PLCL1: variants seen among roughly 807,000 people sequenced by gnomAD.
The protein encoded by PLCL1 is inactive phospholipase C-like protein 1.
In PLCL1, 41 loss-of-function variants were observed where a neutral mutation model predicts 84.4. The ratio of observed to expected loss-of-function variants is 0.49; its 90% CI spans 0.38 to 0.63. The LOEUF is 0.63. PLCL1 is among the 30% of genes least tolerant of loss of function. PLCL1 has a pLI of 0.00. For missense variants in PLCL1, 1,206 were observed against 1,367.8 expected (o/e 0.88, Z 1.87); for synonymous variants, 490 against 488.3 (o/e 1.00, Z -0.05).
chr2:197,920,777 TG>T (rs1054744465), intron 1 of PLCL1, among the ~76,000 whole-genome samples: 7 of 152,338 alleles, frequency 4.6e-5, no homozygotes, highest in African/African-American at 1.7e-4. Flanking sequence ...TTTCCAAAAG[TG>T]GGCAAATATC....
chr2:198,147,137 C>A lies in PLCL1; in HGVS notation c.*175C>A. ...TGTAGTTAATTTATCTAAATTAAAG[C>A]CTTTAGTATCAGTGTTTTAAATTCT... On this transcript the variant is annotated 3_prime_UTR_variant, in exon 6 of 6. Coordinates refer to ENST00000428675, the MANE Select transcript of PLCL1 (RefSeq NM_006226.4). 1 of 500,762 alleles carries A rather than the reference C, an allele frequency of 2.0e-6. No individual in the cohort carries two copies. Among genetic ancestry groups the A allele is most frequent in the East Asian group, 3.4e-5 (1 of 29,308 alleles). 31.0% of individuals were successfully genotyped at this position (500,762 alleles called of 1,614,324 possible). A position where few individuals can be genotyped will look rare whatever the true frequency, so the allele number is the denominator to read the frequency against.
intron 1 of PLCL1, among the ~76,000 whole-genome samples, chr2:198,072,762 C>T (rs1692493157): frequency 1.3e-5 from 2 of 152,120 alleles, no homozygotes; most frequent in African/African-American, 4.8e-5. Context: ...AACCAATTTA[C>T]TTATTGAATT....
chr2:198,066,896 C>T (rs1692333386), intron 1 of PLCL1, among the ~76,000 whole-genome samples: 1 of 152,122 alleles, frequency 6.6e-6, no homozygotes, highest in African/African-American at 2.4e-5. Flanking sequence ...TCCCCTCTAC[C>T]TAAAATACTC....
intron 5 of PLCL1, among the ~76,000 whole-genome samples, chr2:198,104,396 A>T (rs1156347870): frequency 6.6e-6 from 1 of 151,988 alleles, no homozygotes; most frequent in African/African-American, 2.4e-5. Context: ...GCTGTGTAGT[A>T]TTCTGTGGTG....
intron 3 of PLCL1, among the ~76,000 whole-genome samples, chr2:198,096,282 G>A (rs763149748): frequency 6.6e-6 from 1 of 152,166 alleles, no homozygotes; most frequent in Non-Finnish European, 1.5e-5. Context: ...TTTTCACAGT[G>A]ACTTATAACA....
chr2:197,872,868 C>T lies in PLCL1; in HGVS notation c.240+67529C>T, dbSNP rs1687672514. ...TGAGTAAAATTATTTGCATAATAAC[C>T]CACATTGATTAGGCTCTTAGTAGGC... On this transcript the variant is annotated intron_variant, in intron 1 of 5. Coordinates refer to ENST00000428675, the MANE Select transcript of PLCL1 (RefSeq NM_006226.4). 2.6e-5 allele frequency among the ~76,000 whole-genome samples: 4 copies of T among 151,946 alleles called. No homozygotes were observed. In the South Asian group the frequency reaches 8.3e-4, roughly 32 times the overall value.
At chr2:197,864,722 C>T (rs1687496464) in intron 1 of PLCL1, among the ~76,000 whole-genome samples, 1 of 152,126 alleles carries the variant, frequency 6.6e-6, no homozygotes, top group South Asian at 2.1e-4. Context: ...CTTCTGCCTG[C>T]CTTGGCCTCC....
intron 2 of PLCL1, among the ~76,000 whole-genome samples, chr2:198,088,644 GC>G (rs1472245912): frequency 2.0e-5 from 3 of 152,200 alleles, no homozygotes; most frequent in Non-Finnish European, 2.9e-5. Context: ...CCAGTGGTCT[GC>G]TTTGAAAAGC....
At chr2:197,905,621 A>T (rs1688367436) in intron 1 of PLCL1, among the ~76,000 whole-genome samples, 1 of 152,156 alleles carries the variant, frequency 6.6e-6, no homozygotes, top group Non-Finnish European at 1.5e-5. Flanking sequence ...CAGTAATGGG[A>T]TTGCTGGGTC....
chr2:197,981,026 A>T (rs1435171971), intron 1 of PLCL1, among the ~76,000 whole-genome samples: 2 of 152,210 alleles, frequency 1.3e-5, no homozygotes, highest in Non-Finnish European at 2.9e-5. Flanking sequence ...GCTAAACTGC[A>T]GTTACTTTTG....
At chr2:198,032,334 TAAAA>T (rs371577746) in intron 1 of PLCL1, among the ~76,000 whole-genome samples, 1 of 149,476 alleles carries the variant, frequency 6.7e-6, no homozygotes, top group Admixed American at 6.7e-5. Context: ...ATGAGAATAA[TAAAA>T]AAAAAACTCC....
intron 1 of PLCL1, among the ~76,000 whole-genome samples, chr2:198,059,445 T>G (rs1026954028): frequency 6.6e-6 from 1 of 152,180 alleles, no homozygotes; most frequent in Non-Finnish European, 1.5e-5. Flanking sequence ...TTTACATACT[T>G]TGAGGTAGAA....
chr2:197,939,256 A>G (rs530008913), intron 1 of PLCL1, among the ~76,000 whole-genome samples: 2 of 152,308 alleles, frequency 1.3e-5, no homozygotes, highest in African/African-American at 4.8e-5. Context: ...ATCAGATTTT[A>G]GGATACCTAC....
intron 1 of PLCL1, among the ~76,000 whole-genome samples, chr2:197,933,264 TC>T (rs1161236936): frequency 1.3e-5 from 2 of 150,074 alleles, no homozygotes; most frequent in Non-Finnish European, 3.0e-5. Context: ...TTTTTTCTTT[TC>T]TTTTTTTTTT....
At chr2:198,117,338 C>CTTT (rs5837581) in intron 5 of PLCL1, among the ~76,000 whole-genome samples, 8 of 140,614 alleles carry the variant, frequency 5.7e-5, no homozygotes, top group Non-Finnish European at 9.1e-5. Flanking sequence ...TTTTTTTTTT[C>CTTT]TTTTTTTTTT....
At chr2:198,050,095 G>A (rs1574274176) in intron 1 of PLCL1, among the ~76,000 whole-genome samples, 6 of 152,194 alleles carry the variant, frequency 3.9e-5, no homozygotes, top group Admixed American at 3.9e-4. Flanking sequence ...GTGAGGTTTC[G>A]TGAGTTGGAA....
rs141721946 is a variant in PLCL1, at chr2:197,918,129, T to C, written c.240+112790T>C. Among the ~76,000 whole-genome samples, 669 of 152,300 alleles carry C rather than the reference T, an allele frequency of 4.4e-3. 5 individuals are homozygous for C. The highest frequency in any genetic ancestry group is 0.015 in the African/African-American group (640 of 41,554). On this transcript the variant is annotated intron_variant, in intron 1 of 5. Transcript: ENST00000428675. ...TCTCTATACATACATATTTATCACT[T>C]GATATGATAAAAATGGCACCTTACC... is the stretch of plus-strand genomic sequence containing the variant.
At chr2:197,946,925 T>C (rs1431504221) in intron 1 of PLCL1, among the ~76,000 whole-genome samples, 4 of 152,238 alleles carry the variant, frequency 2.6e-5, no homozygotes, top group African/African-American at 9.6e-5. Context: ...TGCAGATCCC[T>C]GTGTACATCT....
intron 1 of PLCL1, among the ~76,000 whole-genome samples, chr2:197,930,198 A>G (rs1393696560): frequency 6.6e-6 from 1 of 152,224 alleles, no homozygotes. Context: ...TCACACTTTC[A>G]TAAGACTTAC....
Sources: allele counts gnomAD v4.1 joint callset (sites outside exome capture counted in the v4.1 genomes callset), GRCh38; gene constraint gnomAD v4.1.1; transcripts MANE v1.5; gene names NCBI Gene and HGNC (gene_info 2026-07-23, HGNC 2026-07-21).